NEO1: variants seen among roughly 807,000 people sequenced by gnomAD.
NEO1 encodes neogenin 1.
In NEO1, 63 loss-of-function variants were observed where a neutral mutation model predicts 159.7. That is an observed-to-expected ratio of 0.39 (90% confidence interval 0.32 to 0.49). The LOEUF (loss-of-function observed/expected upper bound fraction) is 0.49, where lower values mean the gene tolerates loss of function less well. NEO1 is among the 20% of genes least tolerant of loss of function. The pLI, the probability that NEO1 is intolerant of heterozygous loss-of-function variation, is 0.85. For synonymous variants in NEO1, 633 were observed against 662.0 expected (o/e 0.96, Z 0.67); for missense variants, 1,615 against 1,831.0 (o/e 0.88, Z 2.15).
rs547653378 is a variant in NEO1 at position 73,197,872 on chromosome 15, G to T, written c.1291+19445G>T. On this transcript the variant is annotated intron_variant, in intron 7 of 28. Transcript: ENST00000261908. Reference sequence around the variant, plus strand: ...ATTTTTGTATTTTTAGTAGACACAGGGTTTTACAATGTTGGTCAGGCTGGT... The same window carrying T: ...ATTTTTGTATTTTTAGTAGACACAGTGTTTTACAATGTTGGTCAGGCTGGT... 1.4e-4 allele frequency among the ~76,000 whole-genome samples: 21 copies of T among 151,876 alleles called. No homozygotes were observed. The South Asian group carries it at 4.4e-3, about 32-fold the overall frequency.
chr15:73,106,774 G>C (rs535143259), intron 1 of NEO1, among the ~76,000 whole-genome samples: 3 of 152,172 alleles, frequency 2.0e-5, no homozygotes, highest in Admixed American at 1.3e-4. Flanking sequence ...TACTACTAGG[G>C]ATGGGGAATT....
chr15:73,259,932 A>T (rs1009709536), intron 14 of NEO1, among the ~76,000 whole-genome samples: 4 of 152,136 alleles, frequency 2.6e-5, no homozygotes, highest in South Asian at 4.1e-4. Context: ...TTGGGAATGG[A>T]TGTGGGACCA....
At chr15:73,120,478 C>G (rs1204645712) in intron 2 of NEO1, among the ~76,000 whole-genome samples, 1 of 151,532 alleles carries the variant, frequency 6.6e-6, no homozygotes, top group Non-Finnish European at 1.5e-5. Flanking sequence ...CATCATAAAA[C>G]TAGAAAACCT....
At chr15:73,264,775 C>A (rs1051661390) in intron 15 of NEO1, among the ~76,000 whole-genome samples, 1 of 152,058 alleles carries the variant, frequency 6.6e-6, no homozygotes, top group Non-Finnish European at 1.5e-5. Context: ...CCATCTGGCC[C>A]AAAATTAAAG....
intron 1 of NEO1, among the ~76,000 whole-genome samples, chr15:73,087,165 A>G (rs1237712283): frequency 6.6e-6 from 1 of 152,096 alleles, no homozygotes; most frequent in African/African-American, 2.4e-5. Context: ...TTTTGAGTTA[A>G]ACTCCCATTC....
chr15:73,055,724 C>A (rs1260842637), intron 1 of NEO1, among the ~76,000 whole-genome samples: 1 of 152,160 alleles, frequency 6.6e-6, no homozygotes, highest in African/African-American at 2.4e-5. Context: ...ATTCTCTAAA[C>A]ATGAACAAAC....
intron 7 of NEO1, among the ~76,000 whole-genome samples, chr15:73,185,606 A>G (rs2127280): frequency 0.022 from 3,413 of 152,270 alleles, 100 homozygotes; most frequent in African/African-American, 0.063. Flanking sequence ...TTTATCATAA[A>G]ATTTAGCAGT....
rs147231092 is a variant in NEO1 at position 73,172,865 on chromosome 15, G to A, written c.1016-3538G>A. On this transcript the variant is annotated intron_variant, in intron 5 of 28. Transcript: ENST00000261908. ...TTTCATTGTAAGGGTCAAAGCAGAG[G>A]GGACTTTCTTATGTTGGCTAAAACT... Among the ~76,000 whole-genome samples, 534 of 152,182 alleles carry A rather than the reference G, an allele frequency of 3.5e-3. 3 individuals are homozygous for A. Among genetic ancestry groups the A allele is most frequent in the African/African-American group, 0.012 (503 of 41,512 alleles).
intron 16 of NEO1, among the ~76,000 whole-genome samples, chr15:73,267,870 T>C (rs1306646858): frequency 6.6e-6 from 1 of 152,230 alleles, no homozygotes; most frequent in African/African-American, 2.4e-5. Context: ...AAGAATTTAT[T>C]TTCGGAAATG....
At chr15:73,106,382 AGGTT>A (rs2070694750) in intron 1 of NEO1, among the ~76,000 whole-genome samples, 1 of 152,218 alleles carries the variant, frequency 6.6e-6, no homozygotes, top group Admixed American at 6.5e-5. Context: ...AGTAAAAAAC[AGGTT>A]GAACTAATTT....
chr15:73,278,613 C>G (rs184514925), intron 22 of NEO1, among the ~76,000 whole-genome samples: 2 of 152,154 alleles, frequency 1.3e-5, no homozygotes, highest in Admixed American at 1.3e-4. Context: ...AAAATTCTTC[C>G]ACTCTCCTAG....
chr15:73,204,280 G>A (rs566482672), intron 7 of NEO1, among the ~76,000 whole-genome samples: 56 of 151,842 alleles, frequency 3.7e-4, no homozygotes, highest in African/African-American at 1.3e-3. Context: ...TGCAGTTTGG[G>A]TATGATGTGC....
intron 23 of NEO1, among the ~76,000 whole-genome samples, chr15:73,287,858 C>T (rs914000845): frequency 6.7e-6 from 1 of 149,888 alleles, no homozygotes. Context: ...GTAGCTTGGG[C>T]GACGAGCAAA....
At chr15:73,143,779 A>T (rs1388505381) in intron 5 of NEO1, among the ~76,000 whole-genome samples, 2 of 152,090 alleles carry the variant, frequency 1.3e-5, no homozygotes, top group African/African-American at 2.4e-5. Context: ...TTCCAACTAC[A>T]ATTTCCTGAT....
At chr15:73,062,421 T>G (rs547449370) in intron 1 of NEO1, among the ~76,000 whole-genome samples, 3 of 152,192 alleles carry the variant, frequency 2.0e-5, no homozygotes, top group Non-Finnish European at 4.4e-5. Flanking sequence ...ATTTAAAACT[T>G]TATAATTTGT....
intron 9 of NEO1, among the ~76,000 whole-genome samples, chr15:73,246,027 G>C (rs540206323): frequency 4.6e-5 from 7 of 152,282 alleles, no homozygotes; most frequent in African/African-American, 1.4e-4. Context: ...CAGCTGAACA[G>C]AATAAATGAC....
chr15:73,057,246 C>CT (rs1021878487), intron 1 of NEO1, among the ~76,000 whole-genome samples: 1 of 151,994 alleles, frequency 6.6e-6, no homozygotes, highest in African/African-American at 2.4e-5. Flanking sequence ...AAAGTGTAGA[C>CT]TTTTTTTTCT....
chr15:73,154,969 A>C (rs1049850382), intron 5 of NEO1, among the ~76,000 whole-genome samples: 2 of 139,820 alleles, frequency 1.4e-5, no homozygotes, highest in African/African-American at 5.2e-5. Flanking sequence ...TTGCCATTTG[A>C]TTCCTTTCTT....
At chr15:73,268,310 T>C (rs2041010115) in intron 16 of NEO1, among the ~76,000 whole-genome samples, 2 of 152,244 alleles carry the variant, frequency 1.3e-5, no homozygotes, top group Admixed American at 6.5e-5. Flanking sequence ...TACTTCCTTT[T>C]ATGTGGCTTA....
Sources: gnomAD v4.1 joint callset for allele counts (sites outside exome capture counted in the v4.1 genomes callset) on GRCh38, gnomAD v4.1.1 for gene constraint, MANE v1.5 for transcripts, NCBI Gene and HGNC (gene_info 2026-07-23, HGNC 2026-07-21) for gene names.